Variants in FBXW11 observed in about 807,000 individuals in gnomAD.
FBXW11 encodes the protein F-box/WD repeat-containing protein 11.
A neutral mutation model predicts 77.6 loss-of-function variants in FBXW11; 19 were observed. The observed-to-expected ratio is 0.24, with a 90% CI of 0.17 to 0.36. The LOEUF (loss-of-function observed/expected upper bound fraction) is 0.36, where lower values mean the gene tolerates loss of function less well. Among genes scored for constraint, FBXW11 ranks in the 10% least tolerant of loss-of-function variants. The pLI, the probability that FBXW11 is intolerant of heterozygous loss-of-function variation, is 1.00. For missense variants in FBXW11, 334 were observed against 704.2 expected (o/e 0.47, Z 5.95); for synonymous variants, 235 against 249.4 (o/e 0.94, Z 0.54).
At chr5:171,909,012 C>T (rs1483920008) in intron 4 of FBXW11, among the ~76,000 whole-genome samples, 1 of 152,216 alleles carries the variant, frequency 6.6e-6, no homozygotes, top group Non-Finnish European at 1.5e-5. Flanking sequence ...TTTAACCACA[C>T]ACTACACTGG....
At chr5:171,878,249 A>G (rs955667087) in intron 7 of FBXW11, 120 bp from the exon 8 acceptor site, 2 of 658,440 alleles carry the variant, frequency 3.0e-6, no homozygotes, top group African/African-American at 3.6e-5. Context: ...GTAAATAAGA[A>G]ACACTGAATA....
At chr5:171,965,345 T>A (rs980108760) in intron 1 of FBXW11, among the ~76,000 whole-genome samples, 2 of 152,002 alleles carry the variant, frequency 1.3e-5, no homozygotes, top group African/African-American at 4.8e-5. Context: ...GCCAACATAG[T>A]GAAAGCCTGT....
At chr5:171,994,742 T>A (rs1765935379) in intron 1 of FBXW11, among the ~76,000 whole-genome samples, 1 of 152,114 alleles carries the variant, frequency 6.6e-6, no homozygotes, top group Non-Finnish European at 1.5e-5. Flanking sequence ...CTGTCCTGAC[T>A]ATCCTTCAGA....
intron 2 of FBXW11, among the ~76,000 whole-genome samples, chr5:171,949,284 G>C (rs1465997358): frequency 6.6e-6 from 1 of 152,174 alleles, no homozygotes; most frequent in Non-Finnish European, 1.5e-5. Context: ...ACACAAGGAA[G>C]TGAAACATGC....
intron 1 of FBXW11, among the ~76,000 whole-genome samples, chr5:172,000,080 C>G (rs552163963): frequency 6.6e-6 from 1 of 152,190 alleles, no homozygotes; most frequent in Non-Finnish European, 1.5e-5. Flanking sequence ...TAAGCAATTG[C>G]GATCAGCAGA....
intron 2 of FBXW11, among the ~76,000 whole-genome samples, chr5:171,916,913 GGTT>G (rs1187920087): frequency 6.6e-6 from 1 of 151,884 alleles, no homozygotes; most frequent in Non-Finnish European, 1.5e-5. Context: ...TTTTTTGTGG[GGTT>G]TTTTTGTTTT....
At chr5:171,990,006 A>C (rs1312125939) in intron 1 of FBXW11, among the ~76,000 whole-genome samples, 1 of 152,206 alleles carries the variant, frequency 6.6e-6, no homozygotes, top group Non-Finnish European at 1.5e-5. Flanking sequence ...ATACATGCTG[A>C]AAACTTAGGG....
chr5:171,955,902 A>G (rs1763584551), intron 2 of FBXW11, among the ~76,000 whole-genome samples: 1 of 152,014 alleles, frequency 6.6e-6, no homozygotes, highest in South Asian at 2.1e-4. Flanking sequence ...TTGGATTTCC[A>G]TTTTCAACAA....
intron 2 of FBXW11, among the ~76,000 whole-genome samples, chr5:171,952,443 A>ATATATATATG (rs1763384537): frequency 9.3e-5 from 1 of 10,760 alleles, no homozygotes; most frequent in African/African-American, 2.2e-4. Flanking sequence ...ATATATATAT[A>ATATATATATG]TATATTTTTT....
intron 1 of FBXW11, among the ~76,000 whole-genome samples, chr5:171,972,867 T>C (rs1329163098): frequency 1.3e-5 from 2 of 152,176 alleles, no homozygotes; most frequent in Admixed American, 1.3e-4. Context: ...TTAATACCAG[T>C]TGTTAGTGCC....
At chr5:171,930,669 C>T (rs895206584) in intron 2 of FBXW11, among the ~76,000 whole-genome samples, 2 of 150,578 alleles carry the variant, frequency 1.3e-5, no homozygotes, top group African/African-American at 4.9e-5. Context: ...CCACTATTGT[C>T]CTATGACCCT....
At chr5:171,960,950 T>C (rs547843966) in intron 1 of FBXW11, among the ~76,000 whole-genome samples, 10 of 152,342 alleles carry the variant, frequency 6.6e-5, no homozygotes, top group African/African-American at 2.4e-4. Context: ...CAAGATTTTC[T>C]CTTCATAATA....
rs369721269 is a variant in FBXW11, at chr5:172,003,963, A to C, written c.45+2495T>G. Among the ~76,000 whole-genome samples, 3 of 152,374 alleles carry C rather than the reference A, an allele frequency of 2.0e-5. No individual in the cohort carries two copies. In the East Asian group the frequency reaches 5.8e-4, roughly 29 times the overall value. ...CAAGCAGCACAATCACAAATATTTG[A>C]GTACTGAAGCTGACTCATAAAAATC... is the stretch of plus-strand genomic sequence containing the variant. On this transcript the variant is annotated intron_variant, in intron 1 of 13. Transcript: ENST00000517395.
intron 1 of FBXW11, among the ~76,000 whole-genome samples, chr5:172,002,640 A>G (rs1766478722): frequency 6.6e-6 from 1 of 150,490 alleles, no homozygotes; most frequent in Non-Finnish European, 1.5e-5. Context: ...ATCCAAAAAG[A>G]AAAAAAGACA....
chr5:171,975,559 T>C (rs1764784058), intron 1 of FBXW11, among the ~76,000 whole-genome samples: 1 of 152,174 alleles, frequency 6.6e-6, no homozygotes, highest in African/African-American at 2.4e-5. Context: ...AATGAATAAG[T>C]AAAATGTAAG....
intron 2 of FBXW11, among the ~76,000 whole-genome samples, chr5:171,925,990 T>A (rs1400578209): frequency 6.6e-6 from 1 of 152,188 alleles, no homozygotes; most frequent in African/African-American, 2.4e-5. Context: ...ATCTGTACAA[T>A]CTCATCTTTA....
At chr5:171,953,906 C>T (rs1325027751) in intron 2 of FBXW11, among the ~76,000 whole-genome samples, 2 of 152,068 alleles carry the variant, frequency 1.3e-5, no homozygotes, top group African/African-American at 2.4e-5. Flanking sequence ...TGGCTCACTA[C>T]ACCTATTAAA....
chr5:171,953,447 G>C (rs1043842824), intron 2 of FBXW11, among the ~76,000 whole-genome samples: 3 of 152,064 alleles, frequency 2.0e-5, no homozygotes, highest in Non-Finnish European at 4.4e-5. Flanking sequence ...AAACAGACAA[G>C]AGGCAATGAA....
At chr5:171,995,618 G>A (rs1412271978) in intron 1 of FBXW11, among the ~76,000 whole-genome samples, 1 of 152,190 alleles carries the variant, frequency 6.6e-6, no homozygotes, top group Non-Finnish European at 1.5e-5. Flanking sequence ...GCTGGGCGTG[G>A]TGGTGGGCGC....
Sources: gnomAD v4.1 joint callset for allele counts (sites outside exome capture counted in the v4.1 genomes callset) on GRCh38, gnomAD v4.1.1 for gene constraint, MANE v1.5 for transcripts, NCBI Gene and HGNC (gene_info 2026-07-23, HGNC 2026-07-21) for gene names.